Variants in RANBP2 observed in about 807,000 individuals in gnomAD.
RANBP2 encodes E3 SUMO-protein ligase RanBP2.
In RANBP2, 57 loss-of-function variants were observed where a neutral mutation model predicts 303.6. That is an observed-to-expected ratio of 0.19 (90% CI 0.15 to 0.23). The LOEUF (loss-of-function observed/expected upper bound fraction) is 0.23, where lower values mean the gene tolerates loss of function less well. Among genes scored for constraint, RANBP2 ranks in the 10% least tolerant of loss-of-function variants. RANBP2 has a pLI of 1.00. For synonymous variants in RANBP2, 1,167 were observed against 1,301.5 expected, an observed-to-expected ratio of 0.90 and a Z score of 2.23; for missense variants, 3,138 against 3,780.8, an observed-to-expected ratio of 0.83 and a Z score of 4.46.
At chr2:109,359,171 C>T in the RANBP2 span, among the ~76,000 whole-genome samples, 1 of 152,148 alleles carries the variant, frequency 6.6e-6, no homozygotes. Flanking sequence ...AGACTGTCTT[C>T]ATTATTGTAA....
the RANBP2 span, among the ~76,000 whole-genome samples, chr2:109,730,074 C>T: frequency 6.6e-6 from 1 of 152,172 alleles, no homozygotes; most frequent in South Asian, 2.1e-4. Flanking sequence ...GTGGGGATTA[C>T]AGGTCCCTCC....
the RANBP2 span, among the ~76,000 whole-genome samples, chr2:109,122,385 G>C: frequency 6.6e-6 from 1 of 152,240 alleles, no homozygotes; most frequent in African/African-American, 2.4e-5. Flanking sequence ...CCTGCTGGGG[G>C]ACAGTGTAAA....
At chr2:109,730,519 C>G in the RANBP2 span, among the ~76,000 whole-genome samples, 1 of 152,136 alleles carries the variant, frequency 6.6e-6, no homozygotes, top group African/African-American at 2.4e-5. Context: ...GAAGCAGAGA[C>G]AGAGAGAAGT....
At chr2:109,181,728 C>T in the RANBP2 span, among the ~76,000 whole-genome samples, 11 of 152,214 alleles carry the variant, frequency 7.2e-5, no homozygotes, top group Admixed American at 5.9e-4. Flanking sequence ...CCTCTTTCTT[C>T]TCCAGCCATG....
the RANBP2 span, among the ~76,000 whole-genome samples, chr2:109,211,570 C>T: frequency 1.3e-5 from 2 of 152,024 alleles, no homozygotes; most frequent in East Asian, 1.9e-4. Context: ...CAGGCAGCTA[C>T]GTGCTGGAGA....
chr2:109,392,643 G>A, the RANBP2 span, among the ~76,000 whole-genome samples: 120 of 151,980 alleles, frequency 7.9e-4, no homozygotes, highest in Non-Finnish European at 1.6e-3. Flanking sequence ...CTCAGCCTCC[G>A]GAGTAGCTGG....
chr2:109,386,911 G>A, the RANBP2 span, among the ~76,000 whole-genome samples: 1 of 152,178 alleles, frequency 6.6e-6, no homozygotes, highest in African/African-American at 2.4e-5. Flanking sequence ...AGCTCAGGAG[G>A]TCTCCCCATA....
At chr2:109,431,369 A>G in the RANBP2 span, among the ~76,000 whole-genome samples, 1 of 152,214 alleles carries the variant, frequency 6.6e-6, no homozygotes, top group South Asian at 2.1e-4. Flanking sequence ...CAAATAAAAT[A>G]ATCTGGTATG....
At chr2:109,030,896 A>G in the RANBP2 span, among the ~76,000 whole-genome samples, 3 of 152,074 alleles carry the variant, frequency 2.0e-5, no homozygotes, top group African/African-American at 7.2e-5. Context: ...GCAGTTTTTT[A>G]ACATCTCCCA....
At chr2:108,800,454 G>A in the RANBP2 span, among the ~76,000 whole-genome samples, 3 of 151,686 alleles carry the variant, frequency 2.0e-5, no homozygotes, top group African/African-American at 2.4e-5. Context: ...TAGTAGGGAC[G>A]GGGTTTCACC....
the RANBP2 span, among the ~76,000 whole-genome samples, chr2:109,399,626 A>C: frequency 1.3e-5 from 2 of 152,208 alleles, no homozygotes; most frequent in African/African-American, 2.4e-5. Context: ...CAGTCAATCA[A>C]TAAAATAAAA....
At chr2:109,544,631 G>GT in the RANBP2 span, 6 of 933,798 alleles carry the variant, frequency 6.4e-6, no homozygotes, top group Non-Finnish European at 7.7e-6. Flanking sequence ...TCTAATTTTA[G>GT]TAACACTGGG....
chr2:109,449,230 C>A, the RANBP2 span: 1 of 1,613,512 alleles, frequency 6.2e-7, no homozygotes. Flanking sequence ...CCCCTGCGCA[C>A]CCAGAACTCT....
chr2:109,581,580 G>A, the RANBP2 span, among the ~76,000 whole-genome samples: 2 of 151,326 alleles, frequency 1.3e-5, no homozygotes, highest in African/African-American at 2.4e-5. Context: ...GAAGAAATGG[G>A]ACTGAACACA....
At chr2:109,271,438 T>C in the RANBP2 span, among the ~76,000 whole-genome samples, 3,057 of 152,320 alleles carry the variant, frequency 0.02, 93 homozygotes, top group African/African-American at 0.07. Context: ...GTAAGAGTTT[T>C]TCAACAATGG....
chr2:108,950,741 G>C, the RANBP2 span, among the ~76,000 whole-genome samples: 1 of 152,206 alleles, frequency 6.6e-6, no homozygotes, highest in Admixed American at 6.5e-5. Context: ...ATCAGACCTT[G>C]GGCTGGAGAT....
chr2:108,780,776 C>T (rs1678202521), intron 25 of RANBP2, among the ~76,000 whole-genome samples: 8 of 150,896 alleles, frequency 5.3e-5, no homozygotes, highest in Admixed American at 3.3e-4. Flanking sequence ...ATGGTGCCAT[C>T]TTGGCTCACC....
the RANBP2 span, among the ~76,000 whole-genome samples, chr2:109,363,461 A>C: frequency 6.6e-6 from 1 of 152,220 alleles, no homozygotes; most frequent in Non-Finnish European, 1.5e-5. Flanking sequence ...TAAAATGATC[A>C]AATACATTGT....
At chr2:109,089,924 A>G in the RANBP2 span, among the ~76,000 whole-genome samples, 1 of 152,150 alleles carries the variant, frequency 6.6e-6, no homozygotes, top group African/African-American at 2.4e-5. Flanking sequence ...CATTCAATTC[A>G]TGCTCTGCTG....
Sources: allele counts gnomAD v4.1 joint callset (sites outside exome capture counted in the v4.1 genomes callset), GRCh38; gene constraint gnomAD v4.1.1; transcripts MANE v1.5; gene names NCBI Gene and HGNC (gene_info 2026-07-23, HGNC 2026-07-21).